SPAG17: variants seen among roughly 807,000 people sequenced by gnomAD.
SPAG17 encodes the protein sperm associated antigen 17, also known as sperm-associated antigen 17.
In SPAG17, 169 loss-of-function variants were observed where a neutral mutation model predicts 273.6. The observed-to-expected ratio is 0.62, with a 90% CI of 0.55 to 0.70. The LOEUF is 0.70. SPAG17 is among the 30% of genes least tolerant of loss of function. The pLI, the probability that SPAG17 is intolerant of heterozygous loss-of-function variation, is 0.00. For synonymous variants in SPAG17, 825 were observed against 873.2 expected, an observed-to-expected ratio of 0.94 and a Z score of 0.97; for missense variants, 2,557 against 2,627.8, an observed-to-expected ratio of 0.97 and a Z score of 0.59.
At chr1:118,162,192 G>A (rs1038356608) in intron 1 of SPAG17, among the ~76,000 whole-genome samples, 4 of 152,090 alleles carry the variant, frequency 2.6e-5, no homozygotes, top group Non-Finnish European at 5.9e-5. Context: ...TATTGGATAC[G>A]TTAGGGCAGT....
At chr1:118,039,191 T>C in intron 23 of SPAG17, 101 bp downstream of exon 23, 1 of 1,304,222 alleles carries the variant, frequency 7.7e-7, no homozygotes, top group South Asian at 1.4e-5. Context: ...TGGTAGAAAC[T>C]TGAGAAAAAG....
In SPAG17 at chr1:117,972,082, A is replaced by AT. The variant is rs748889201; in HGVS notation, c.6142-36dup. ...AAGAAAAAATTAATAAAATGGTTCT[A>AT]TTTTGAGTTCCCAAGATTAAAAAAA... is the stretch of plus-strand genomic sequence containing the variant. On this transcript the variant is annotated intron_variant, in intron 44 of 48. Coordinates refer to ENST00000336338, the MANE Select transcript of SPAG17 (RefSeq NM_206996.4). 7 of 1,546,030 alleles carry AT rather than the reference A, an allele frequency of 4.5e-6. No individual in the cohort carries two copies. The East Asian group carries it at 1.6e-4, about 35-fold the overall frequency.
chr1:118,045,333 G>A (rs1650229776), intron 20 of SPAG17, among the ~76,000 whole-genome samples: 1 of 152,174 alleles, frequency 6.6e-6, no homozygotes, highest in Non-Finnish European at 1.5e-5. Context: ...GGGAGGAGGA[G>A]CCAGAGATTG....
chr1:118,098,366 G>A (rs1001102357), intron 6 of SPAG17, among the ~76,000 whole-genome samples: 2 of 151,978 alleles, frequency 1.3e-5, no homozygotes, highest in African/African-American at 4.8e-5. Context: ...TACTTTTACT[G>A]TAAAATAATG....
At chr1:117,980,736 G>T (rs112888046) in intron 43 of SPAG17, among the ~76,000 whole-genome samples, 1 of 152,080 alleles carries the variant, frequency 6.6e-6, no homozygotes, top group South Asian at 2.1e-4. Flanking sequence ...TTATCTTAGC[G>T]AAATTAGCAT....
chr1:118,100,192 T>C (rs1357894202), intron 5 of SPAG17, among the ~76,000 whole-genome samples: 2 of 152,316 alleles, frequency 1.3e-5, no homozygotes, highest in East Asian at 3.9e-4. Context: ...AGCTTTGTGG[T>C]ATTTTATAAG....
chr1:118,184,558 G>A (rs1029608029), intron 1 of SPAG17, among the ~76,000 whole-genome samples: 3 of 152,044 alleles, frequency 2.0e-5, no homozygotes, highest in African/African-American at 7.2e-5. Context: ...GTGGGATCAG[G>A]GCATTACATT....
chr1:118,106,521 C>A (rs1338514330), intron 4 of SPAG17, among the ~76,000 whole-genome samples: 1 of 152,112 alleles, frequency 6.6e-6, no homozygotes, highest in Non-Finnish European at 1.5e-5. Context: ...CTCTAACAGC[C>A]AAGCTTTGGA....
chr1:118,048,193 T>C (rs1331190486), intron 20 of SPAG17, among the ~76,000 whole-genome samples: 1 of 152,078 alleles, frequency 6.6e-6, no homozygotes, highest in Non-Finnish European at 1.5e-5. Flanking sequence ...TGTAGGCCCA[T>C]CTAAGTCTCT....
chr1:118,135,435 T>C (rs952962863), intron 3 of SPAG17, among the ~76,000 whole-genome samples: 2 of 145,672 alleles, frequency 1.4e-5, no homozygotes, highest in African/African-American at 2.6e-5. Flanking sequence ...GTGTGTGGGG[T>C]ATGGTGTGTT....
chr1:118,129,072 T>C (rs1269876149), intron 3 of SPAG17, among the ~76,000 whole-genome samples: 1 of 152,234 alleles, frequency 6.6e-6, no homozygotes, highest in African/African-American at 2.4e-5. Flanking sequence ...TGCAGCCACT[T>C]TACCTTCTTC....
chr1:118,121,261 T>C (rs572099002), intron 3 of SPAG17, among the ~76,000 whole-genome samples: 1 of 152,266 alleles, frequency 6.6e-6, no homozygotes, highest in Non-Finnish European at 1.5e-5. Context: ...CAATTCTGTA[T>C]TGCGGGAGAG....
At chr1:118,144,909 T>C (rs560089744) in intron 3 of SPAG17, among the ~76,000 whole-genome samples, 2 of 152,368 alleles carry the variant, frequency 1.3e-5, no homozygotes, top group East Asian at 3.9e-4. Flanking sequence ...CAGTTTTTAA[T>C]ACTTTTCCTA....
intron 18 of SPAG17, among the ~76,000 whole-genome samples, chr1:118,064,104 G>A (rs1239161899): frequency 1.3e-5 from 2 of 152,188 alleles, no homozygotes; most frequent in African/African-American, 4.8e-5. Flanking sequence ...TGGAGAGGAT[G>A]TGGAGAAATA....
intron 17 of SPAG17, among the ~76,000 whole-genome samples, chr1:118,069,162 G>T (rs1483601273): frequency 6.6e-6 from 1 of 151,960 alleles, no homozygotes; most frequent in East Asian, 1.9e-4. Context: ...TCACCAACAT[G>T]GTGAAACCCT....
In SPAG17 at chr1:117,970,039, T is replaced by C; in HGVS notation, c.6387+17A>G. 2 of 1,611,984 alleles carry C rather than the reference T, an allele frequency of 1.2e-6. No individual in the cohort carries two copies. Among genetic ancestry groups the C allele is most frequent in the Non-Finnish European group, 1.7e-6 (2 of 1,179,014 alleles). ...CATGCACGCAAGCACACACAACAGA[T>C]GACATATAGGACTTACAGGTCCAGG... On this transcript the variant is annotated intron_variant, in intron 46 of 48. Coordinates refer to ENST00000336338, the MANE Select transcript of SPAG17 (RefSeq NM_206996.4).
At chr1:117,999,554 T>C (rs1032544375) in intron 32 of SPAG17, among the ~76,000 whole-genome samples, 4 of 152,242 alleles carry the variant, frequency 2.6e-5, no homozygotes, top group African/African-American at 9.6e-5. Context: ...ATTGTGGTTT[T>C]GATTTGCATT....
At chr1:118,012,206 G>T (rs111752406) in intron 30 of SPAG17, 22 bp downstream of exon 30, 2 of 1,602,566 alleles carry the variant, frequency 1.2e-6, no homozygotes, top group Non-Finnish European at 1.7e-6. Flanking sequence ...ATATTGTCAT[G>T]TACTCAGAAA....
intron 3 of SPAG17, among the ~76,000 whole-genome samples, chr1:118,126,043 G>GTT (rs33966143): frequency 0.4 from 54,388 of 136,618 alleles, 11,418 homozygotes; most frequent in East Asian, 0.55. Context: ...GTTATTTTCT[G>GTT]TTTTTTTTTT....
Sources: gnomAD v4.1 joint callset for allele counts (sites outside exome capture counted in the v4.1 genomes callset) on GRCh38, gnomAD v4.1.1 for gene constraint, MANE v1.5 for transcripts, NCBI Gene and HGNC (gene_info 2026-07-23, HGNC 2026-07-21) for gene names.